Variants in NFYC observed in about 807,000 individuals in gnomAD.
The protein encoded by NFYC is nuclear transcription factor Y subunit gamma.
A neutral mutation model predicts 53.1 loss-of-function variants in NFYC; 25 were observed. That is an observed-to-expected ratio of 0.47 (90% confidence interval 0.34 to 0.66). The LOEUF is 0.66. Ranked by LOEUF, NFYC falls within the 30% of genes least tolerant of loss-of-function variation. NFYC has a pLI of 0.01. For missense variants in NFYC, 260 were observed against 422.7 expected (o/e 0.62, Z 3.38); for synonymous variants, 145 against 152.6 (o/e 0.95, Z 0.37).
At chr1:40,738,802 T>G (rs1241662685) in intron 1 of NFYC, 34 bp from the exon 2 acceptor site, 14 of 1,479,616 alleles carry the variant, frequency 9.5e-6, no homozygotes, top group Non-Finnish European at 1.3e-5. Flanking sequence ...ACTTTATTGT[T>G]TCTAATGTGT....
In NFYC at chr1:40,770,901, T is replaced by C. The variant is rs1384368667; in HGVS notation, c.*73T>C. ...ACAGCCCCAGGCAATGGGCACAGCC[T>C]TCCTCCCCAGAGGACCCGGCCGACC... On this transcript the variant is annotated 3_prime_UTR_variant, in exon 10 of 10. Coordinates refer to ENST00000447388, the MANE Select transcript of NFYC (RefSeq NM_014223.5). This position sits in a 1 kb window ranked among gnomAD's most constrained non-coding sequence, Gnocchi z 5.3. 2 of 1,541,840 alleles carry C rather than the reference T, an allele frequency of 1.3e-6. No homozygotes were observed. Among genetic ancestry groups the C allele is most frequent in the Non-Finnish European group, 1.8e-6 (2 of 1,135,458 alleles).
In NFYC at chr1:40,758,161, A is replaced by G. The variant is rs1443385378; in HGVS notation, c.428A>G (p.Gln143Arg). Residue 143 changes from glutamine (Q) to arginine (R), a missense_variant, in exon 6 of 10, where the codon CAG (glutamine) becomes CGG (arginine). Gln to Arg is a conservative substitution (Grantham distance 43). Transcript: ENST00000447388. ...RQSVTPAEPVQYYFTLAQQPT... is the reference protein window; with the variant it reads ...RQSVTPAEPVRYYFTLAQQPT... Reference sequence around the variant, plus strand: ...TCTGTAACTCCTGCCGAGCCAGTCCAGTACTATTTCACGCTGGCTCAGCAA... The same window carrying G: ...TCTGTAACTCCTGCCGAGCCAGTCCGGTACTATTTCACGCTGGCTCAGCAA... The G allele has an allele frequency of 1.2e-6, 2 of 1,612,206 alleles. No homozygotes were observed. The highest frequency in any genetic ancestry group is 1.3e-5 in the African/African-American group (1 of 74,850).
At chr1:40,743,956 T>C (rs1325420405) in intron 2 of NFYC, among the ~76,000 whole-genome samples, 1 of 152,160 alleles carries the variant, frequency 6.6e-6, no homozygotes, top group East Asian at 1.9e-4. Context: ...TGGATCATAG[T>C]CACAAGGGGA....
intron 6 of NFYC, among the ~76,000 whole-genome samples, chr1:40,758,749 C>T (rs1646370903): frequency 2.0e-5 from 3 of 152,104 alleles, no homozygotes. Flanking sequence ...GTTAAGTGAC[C>T]TTCTCTTTTT....
chr1:40,712,466 G>C (rs998256455), intron 1 of NFYC: 1 of 152,076 alleles, frequency 6.6e-6, no homozygotes, highest in African/African-American at 2.4e-5. Context: ...GCATTACAAT[G>C]CAGGTAAGTT....
At chr1:40,701,830 G>A (rs1016903109) in intron 1 of NFYC, among the ~76,000 whole-genome samples, 1 of 152,132 alleles carries the variant, frequency 6.6e-6, no homozygotes, top group African/African-American at 2.4e-5. Flanking sequence ...CTAAAACCTT[G>A]CAAGATGTTT....
At chr1:40,744,166 G>C (rs752921801) in intron 2 of NFYC, among the ~76,000 whole-genome samples, 5 of 152,184 alleles carry the variant, frequency 3.3e-5, no homozygotes, top group Non-Finnish European at 5.9e-5. Context: ...GATTCTCAAA[G>C]GAATGTGAAC....
At chr1:40,711,523 G>T (rs966325478) in intron 1 of NFYC, among the ~76,000 whole-genome samples, 1 of 152,156 alleles carries the variant, frequency 6.6e-6, no homozygotes, top group South Asian at 2.1e-4. Context: ...GAACTTTGTG[G>T]ATTTGGCTTC....
chr1:40,746,618 C>G (rs2148658148), intron 2 of NFYC, among the ~76,000 whole-genome samples: 1 of 152,318 alleles, frequency 6.6e-6, no homozygotes, highest in East Asian at 1.9e-4. Context: ...AGAGATTTTG[C>G]TGATTTTAGC....
chr1:40,750,185 A>G (rs1645836375), intron 4 of NFYC, among the ~76,000 whole-genome samples: 1 of 151,616 alleles, frequency 6.6e-6, no homozygotes, highest in Non-Finnish European at 1.5e-5. Context: ...AACCTAGCGA[A>G]TTCACATTCA....
At chr1:40,705,236 G>C (rs76448064) in intron 1 of NFYC, among the ~76,000 whole-genome samples, 1,861 of 152,264 alleles carry the variant, frequency 0.012, 51 homozygotes, top group African/African-American at 0.043. Flanking sequence ...TTGCCATACT[G>C]GCACTAATTA....
chr1:40,741,811 C>G (rs566870067), intron 2 of NFYC, among the ~76,000 whole-genome samples: 1 of 152,080 alleles, frequency 6.6e-6, no homozygotes, highest in South Asian at 2.1e-4. Context: ...ACCATGTTAC[C>G]CTGGCTGGTC....
chr1:40,767,944 C>A (rs572157843), intron 8 of NFYC, among the ~76,000 whole-genome samples: 109 of 152,082 alleles, frequency 7.2e-4, no homozygotes, highest in Middle Eastern at 3.4e-3. Flanking sequence ...CCACTGCACT[C>A]CAGCCTGGGC....
chr1:40,751,904 A>G (rs1002549051), intron 4 of NFYC, among the ~76,000 whole-genome samples: 1 of 152,078 alleles, frequency 6.6e-6, no homozygotes, highest in Admixed American at 6.5e-5. Context: ...GCCCTGCTTC[A>G]GTTGGGAGGG....
At chr1:40,742,533 A>G (rs1231192709) in intron 2 of NFYC, among the ~76,000 whole-genome samples, 2 of 152,230 alleles carry the variant, frequency 1.3e-5, no homozygotes, top group East Asian at 3.9e-4. Context: ...GTGGGTGAAG[A>G]GAAAGAAAAG....
At chr1:40,724,386 A>T (rs1177574411) in intron 1 of NFYC, among the ~76,000 whole-genome samples, 1 of 152,194 alleles carries the variant, frequency 6.6e-6, no homozygotes, top group African/African-American at 2.4e-5. Context: ...TGAATAAATA[A>T]ATAAATAATT....
At chr1:40,734,470 C>T (rs1196349813) in intron 1 of NFYC, among the ~76,000 whole-genome samples, 2 of 152,078 alleles carry the variant, frequency 1.3e-5, no homozygotes, top group African/African-American at 4.8e-5. Context: ...TTGCAGCCTC[C>T]ACCTCCTTGG....
intron 4 of NFYC, among the ~76,000 whole-genome samples, 195 bp downstream of exon 4, chr1:40,749,881 C>T (rs935244561): frequency 2.0e-5 from 3 of 152,188 alleles, no homozygotes; most frequent in African/African-American, 4.8e-5. Flanking sequence ...GGCAGACATA[C>T]CTTCTAGCCA....
Position 40,771,218 on chromosome 1 carries a change from G to C in NFYC, c.*390G>C, listed in dbSNP as rs1350817166. On this transcript the variant is annotated 3_prime_UTR_variant, in exon 10 of 10. Coordinates refer to ENST00000447388, the MANE Select transcript of NFYC (RefSeq NM_014223.5). ...CTTTTTAGGAGCAAATCTCCCCAGGGGTGTACGGTATTTCTTGACTCTGGG... is the reference window on the plus strand; with the variant it reads ...CTTTTTAGGAGCAAATCTCCCCAGGCGTGTACGGTATTTCTTGACTCTGGG... 6.3e-6 allele frequency: 2 copies of C among 316,360 alleles called. No individual in the cohort carries two copies. Among genetic ancestry groups the C allele is most frequent in the African/African-American group, 2.2e-5 (1 of 45,652 alleles). The allele number at this position is 316,360 out of a possible 1,614,324, so 19.6% of individuals were successfully genotyped here. A position where few individuals can be genotyped will look rare whatever the true frequency, so the allele number is the denominator to read the frequency against.
Sources: gnomAD v4.1 joint callset for allele counts (sites outside exome capture counted in the v4.1 genomes callset) on GRCh38, gnomAD v4.1.1 for gene constraint, Gnocchi (gnomAD v3.1) non-coding constraint, MANE v1.5 for transcripts, NCBI Gene and HGNC (gene_info 2026-07-23, HGNC 2026-07-21) for gene names.